The following MTF2 variants were observed in gnomAD, a reference collection of about 807,000 sequenced individuals.
The protein encoded by MTF2 is metal-response element-binding transcription factor 2.
A neutral mutation model predicts 79.5 loss-of-function variants in MTF2; 11 were observed. The ratio of observed to expected loss-of-function variants is 0.14; its 90% CI spans 0.09 to 0.23. The LOEUF (loss-of-function observed/expected upper bound fraction) is 0.23. Among genes scored for constraint, MTF2 ranks in the 10% least tolerant of loss-of-function variants. The pLI is 1.00. For missense variants in MTF2, 486 were observed against 711.2 expected, an observed-to-expected ratio of 0.68 and a Z score of 3.60; for synonymous variants, 208 against 232.8, an observed-to-expected ratio of 0.89 and a Z score of 0.97.
intron 10 of MTF2, among the ~76,000 whole-genome samples, chr1:93,127,731 A>G (rs570678105): frequency 4.3e-4 from 66 of 152,250 alleles, no homozygotes; most frequent in Non-Finnish European, 6.6e-4. Context: ...ACAGAAAATA[A>G]TATTTCTAGC....
intron 11 of MTF2, among the ~76,000 whole-genome samples, chr1:93,129,748 T>A (rs1034411035): frequency 1.3e-4 from 20 of 152,152 alleles, no homozygotes; most frequent in African/African-American, 4.8e-4. Context: ...ATTGATTGAT[T>A]GATTCATTCA....
At chr1:93,127,892 T>G (rs1418307045) in intron 10 of MTF2, among the ~76,000 whole-genome samples, 3 of 152,180 alleles carry the variant, frequency 2.0e-5, no homozygotes. Context: ...CTACATTTCT[T>G]AGAAACATTT....
chr1:93,120,819 T>C, intron 9 of MTF2, 147 bp downstream of exon 9: 1 of 1,396,434 alleles, frequency 7.2e-7, no homozygotes, highest in Non-Finnish European at 9.2e-7. Context: ...AAGTTTGGTA[T>C]GGATATCAGG....
At chr1:93,097,380 G>A (rs759061375) in intron 1 of MTF2, among the ~76,000 whole-genome samples, 12 of 152,010 alleles carry the variant, frequency 7.9e-5, no homozygotes, top group Admixed American at 4.6e-4. Context: ...TTAAAAACTT[G>A]GGAGTTGTTC....
Position 93,136,694 on chromosome 1 carries a change from G to T in MTF2, c.1449G>T (p.Thr483=), listed in dbSNP as rs759194438. 2 of 1,613,358 alleles carry T rather than the reference G, an allele frequency of 1.2e-6. No individual in the cohort carries two copies. The highest frequency in any genetic ancestry group is 4.5e-5 in the East Asian group (2 of 44,874). ...HYGLSDSRKR[T]RTGRSWPAAI... is the part of the protein sequence containing the mutation. ...GATTATCTGACTCCAGAAAAAGAAC[G>T]CGTACAGGAAGATCTTGGCCTGCTG... The change falls in exon 15 of 15, where the codon ACG becomes ACT. Residue 483 remains threonine, a synonymous_variant. Transcript: ENST00000370298.
chr1:93,135,112 A>C (rs1040502169), intron 14 of MTF2, among the ~76,000 whole-genome samples: 1 of 152,098 alleles, frequency 6.6e-6, no homozygotes, highest in Non-Finnish European at 1.5e-5. Context: ...TGGGATTTAC[A>C]GGCGTGCGCC....
chr1:93,096,808 CTTTTT>C (rs961849389), intron 1 of MTF2, among the ~76,000 whole-genome samples: 13 of 136,260 alleles, frequency 9.5e-5, no homozygotes, highest in African/African-American at 2.2e-4. Context: ...TTTTCTTTTT[CTTTTT>C]TTTTTTTTTT....
At chr1:93,134,834 T>A (rs1557562720) in intron 14 of MTF2, among the ~76,000 whole-genome samples, 1 of 144,070 alleles carries the variant, frequency 6.9e-6, no homozygotes, top group African/African-American at 2.6e-5. Flanking sequence ...AAGATTTGAT[T>A]AAAAAAAAAA....
intron 1 of MTF2, among the ~76,000 whole-genome samples, chr1:93,089,745 G>A (rs923044577): frequency 2.6e-5 from 4 of 151,894 alleles, no homozygotes; most frequent in Non-Finnish European, 5.9e-5. Flanking sequence ...TAGAGATTGT[G>A]TCTGTGTATG....
Position 93,093,935 on chromosome 1 carries a change from C to G in MTF2, c.5+14404C>G, listed in dbSNP as rs762693037. 3.9e-5 allele frequency among the ~76,000 whole-genome samples: 6 copies of G among 152,140 alleles called. No homozygotes were observed. The South Asian group carries it at 6.2e-4, about 16-fold the overall frequency. ...ACTGGTTATAAGGTTGATTTTCACC[C>G]AGAATTTATTTTTCACTCAGATTTT... On this transcript the variant is annotated intron_variant, in intron 1 of 14. Transcript: ENST00000370298.
intron 2 of MTF2, 50 bp from the exon 3 acceptor site, chr1:93,110,495 C>G (rs373928931): frequency 8.4e-5 from 134 of 1,602,586 alleles, no homozygotes; most frequent in Non-Finnish European, 1.1e-4. Flanking sequence ...AATTTAACTT[C>G]ATGTTTTTAA....
intron 6 of MTF2, among the ~76,000 whole-genome samples, chr1:93,117,818 G>C (rs1335301668): frequency 6.6e-6 from 1 of 152,064 alleles, no homozygotes; most frequent in Non-Finnish European, 1.5e-5. Flanking sequence ...CCTGGGCCCA[G>C]GAATTGGAGA....
At chr1:93,133,891 T>TACTTC (rs775744520) in intron 12 of MTF2, 37 bp from the exon 13 acceptor site, 1 of 1,538,204 alleles carries the variant, frequency 6.5e-7, no homozygotes, top group Non-Finnish European at 8.9e-7. Context: ...CAGCTTACTT[T>TACTTC]AGAGACATGC....
At chr1:93,119,153 T>C (rs1219771058) in intron 7 of MTF2, among the ~76,000 whole-genome samples, 180 bp from the exon 8 acceptor site, 1 of 152,248 alleles carries the variant, frequency 6.6e-6, no homozygotes, top group East Asian at 1.9e-4. Context: ...GTTTCATTAT[T>C]TGTTATTGGA....
chr1:93,101,182 G>T (rs1476922401), intron 1 of MTF2, among the ~76,000 whole-genome samples: 1 of 151,994 alleles, frequency 6.6e-6, no homozygotes, highest in Non-Finnish European at 1.5e-5. Flanking sequence ...CTTATTCTGG[G>T]GTAGTAAACC....
intron 1 of MTF2, among the ~76,000 whole-genome samples, chr1:93,097,624 G>GTC (rs1404719130): frequency 6.6e-6 from 1 of 151,922 alleles, no homozygotes; most frequent in East Asian, 1.9e-4. Flanking sequence ...TTGAGATGGA[G>GTC]TCTCACTCTG....
chr1:93,128,859 A>G lies in MTF2; in HGVS notation c.990-419A>G, dbSNP rs185985843. The G allele has an allele frequency of 2.8e-3, 416 of 151,250 alleles. 2 individuals carry two copies. The highest frequency in any genetic ancestry group is 5.8e-3 in the Admixed American group (87 of 15,066). The allele number at this position is 151,250 out of a possible 1,614,324, so 9.4% of individuals were successfully genotyped here. On this transcript the variant is annotated intron_variant, in intron 10 of 14. Transcript: ENST00000370298. ...GCTTTCTTTTTCAATGCTGTCACCT[A>G]TTATTTCTGACTAAGGTTTTTCTCT...
intron 1 of MTF2, among the ~76,000 whole-genome samples, chr1:93,085,261 C>T (rs544770946): frequency 2.0e-5 from 3 of 149,198 alleles, no homozygotes; most frequent in South Asian, 2.2e-4. Context: ...GTGCAAGCTC[C>T]GCCTCCCAGG....
intron 1 of MTF2, among the ~76,000 whole-genome samples, chr1:93,097,068 C>T (rs763695570): frequency 6.6e-6 from 1 of 152,038 alleles, no homozygotes; most frequent in Non-Finnish European, 1.5e-5. Context: ...CCTTGGCCTC[C>T]CAAGGTGCTG....
Sources: allele counts gnomAD v4.1 joint callset (sites outside exome capture counted in the v4.1 genomes callset), GRCh38; gene constraint gnomAD v4.1.1; transcripts MANE v1.5; gene names NCBI Gene and HGNC (gene_info 2026-07-23, HGNC 2026-07-21).